The following YKT6 variants were observed in gnomAD, a reference collection of about 807,000 sequenced individuals.
YKT6 encodes the protein synaptobrevin homolog YKT6.
In YKT6, 12 loss-of-function variants were observed where a neutral mutation model predicts 29.3. The observed-to-expected ratio is 0.41, with a 90% CI of 0.26 to 0.66. The LOEUF is 0.66. Ranked by LOEUF, YKT6 falls within the 30% of genes least tolerant of loss-of-function variation. YKT6 has a pLI of 0.32. For missense variants in YKT6, 188 were observed against 243.8 expected (o/e 0.77, Z 1.52); for synonymous variants, 86 against 94.3 (o/e 0.91, Z 0.51).
intron 6 of YKT6, among the ~76,000 whole-genome samples, chr7:44,211,944 C>T (rs910525606): frequency 6.6e-6 from 1 of 152,122 alleles, no homozygotes; most frequent in African/African-American, 2.4e-5. Flanking sequence ...TATTATTGGT[C>T]CTTTGTTTGT....
rs2096347891 is a variant in YKT6, at chr7:44,212,449, G to T, written c.*167G>T. 4.8e-6 allele frequency: 4 copies of T among 835,950 alleles called. No homozygotes were observed. Among genetic ancestry groups the T allele is most frequent in the South Asian group, 3.5e-5 (2 of 56,642 alleles). The allele number at this position is 835,950 out of a possible 1,614,324, so 51.8% of individuals were successfully genotyped here. On this transcript the variant is annotated 3_prime_UTR_variant, in exon 7 of 7. Coordinates refer to ENST00000223369, the MANE Select transcript of YKT6 (RefSeq NM_006555.4). The stretch of plus-strand genomic sequence containing the variant: ...AATGGATGGTGGAAGGGTGGCGAAT[G>T]TTCAAATTCATATGTGTGGTAGTGA...
chr7:44,203,069 C>A (rs2128838414), intron 1 of YKT6, among the ~76,000 whole-genome samples: 1 of 152,276 alleles, frequency 6.6e-6, no homozygotes. Flanking sequence ...TGTCTTAAAA[C>A]AACACATGTC....
Position 44,209,426 on chromosome 7 carries a change from A to G in YKT6, c.459+1228A>G, listed in dbSNP as rs1481958366. ...TGAGCTTTCTTACCACCTAGGTGGC[A>G]TTTCTCCGTTTTCTCCTCAAGCCAT... On this transcript the variant is annotated intron_variant, in intron 5 of 6. Coordinates refer to ENST00000223369, the MANE Select transcript of YKT6 (RefSeq NM_006555.4). 2.0e-5 allele frequency among the ~76,000 whole-genome samples: 3 copies of G among 152,054 alleles called. No homozygotes were observed. The East Asian group carries it at 5.8e-4, about 29-fold the overall frequency.
chr7:44,206,258 G>T (rs1013723334), intron 2 of YKT6, 127 bp from the exon 3 acceptor site: 1 of 891,686 alleles, frequency 1.1e-6, no homozygotes. Context: ...CACAAGACTT[G>T]CCCAGAGCTA....
Position 44,213,627 on chromosome 7 carries a change from G to C in YKT6, c.*1345G>C, listed in dbSNP as rs2096349187. On this transcript the variant is annotated 3_prime_UTR_variant, in exon 7 of 7. Transcript: ENST00000223369. ...CTTCTGCTGGGATGGTGTCACCTAT[G>C]GGTTTTGAACCAGTGTGGTATGGTC... 1 of 152,416 alleles carries C rather than the reference G, an allele frequency of 6.6e-6. No homozygotes were observed. The highest frequency in any genetic ancestry group is 2.4e-5 in the African/African-American group (1 of 41,448). The allele number at this position is 152,416 out of a possible 1,614,324, so 9.4% of individuals were successfully genotyped here. A position where few individuals can be genotyped will look rare whatever the true frequency, so the allele number is the denominator to read the frequency against.
At position 44,204,027 on chromosome 7, in the gene YKT6, G is replaced by A. The variant is rs979153466; in HGVS notation, c.105-541G>A. On this transcript the variant is annotated intron_variant, in intron 1 of 6. Coordinates refer to ENST00000223369, the MANE Select transcript of YKT6 (RefSeq NM_006555.4). ...GTCTTGGATGAGCAGTTTTCCTTTT[G>A]TTCCATCCAGAGTGTCTTGCGCTCG... Among the ~76,000 whole-genome samples the A allele has an allele frequency of 7.9e-4, 120 of 152,214 alleles. 1 individual carries two copies. The highest frequency in any genetic ancestry group is 2.6e-3 in the African/African-American group (109 of 41,524).
Position 44,210,789 on chromosome 7 carries a change from G to C in YKT6, c.460-234G>C, listed in dbSNP as rs906634582. 12 of 590,124 alleles carry C rather than the reference G, an allele frequency of 2.0e-5. No individual in the cohort carries two copies. The African/African-American group carries it at 2.2e-4, about 11-fold the overall frequency. The allele number at this position is 590,124 out of a possible 1,614,324, so 36.6% of individuals were successfully genotyped here. A position where few individuals can be genotyped will look rare whatever the true frequency, so the allele number is the denominator to read the frequency against. On this transcript the variant is annotated intron_variant, in intron 5 of 6. Coordinates refer to ENST00000223369, the MANE Select transcript of YKT6 (RefSeq NM_006555.4). ...GCCTGTGCTGGGGACAGCTTTTTGG[G>C]AAGTCTGCTACATCCCAGTTAGATC...
intron 5 of YKT6, chr7:44,208,737 CTT>C (rs903740494): frequency 2.0e-5 from 3 of 151,936 alleles, no homozygotes; most frequent in African/African-American, 7.3e-5. Flanking sequence ...TGCTTCAACT[CTT>C]TTTTTTTAAA....
chr7:44,210,030 A>G (rs1325824971), intron 5 of YKT6, among the ~76,000 whole-genome samples: 1 of 152,256 alleles, frequency 6.6e-6, no homozygotes, highest in Non-Finnish European at 1.5e-5. Context: ...TACTTAACGC[A>G]GTATATCCAA....
intron 4 of YKT6, 103 bp from the exon 5 acceptor site, chr7:44,208,030 G>A: frequency 8.0e-7 from 1 of 1,256,930 alleles, no homozygotes; most frequent in Non-Finnish European, 1.1e-6. Context: ...GGCCCAGGCT[G>A]TGGTTTTTAA....
Position 44,208,135 on chromosome 7 carries a change from C to T in YKT6, c.396C>T (p.Asn132=), listed in dbSNP as rs1214244178. 1 of 1,614,006 alleles carries T rather than the reference C, an allele frequency of 6.2e-7. No individual in the cohort carries two copies. The highest frequency in any genetic ancestry group is 8.5e-7 in the Non-Finnish European group (1 of 1,179,950). Residue 132 remains asparagine, a splice_region_variant and synonymous_variant, in exon 5 of 7, where the codon AAC becomes AAT. Transcript: ENST00000223369. The part of the protein sequence containing the change: ...ALDGHLSRYQ[N]PREADPMTKV... ...TATTATTTTTCACTCTTTCCTAGAACCCACGAGAAGCTGATCCCATGACTA... is the reference window on the plus strand; with the variant it reads ...TATTATTTTTCACTCTTTCCTAGAATCCACGAGAAGCTGATCCCATGACTA...
chr7:44,211,317 G>A (rs917070417), intron 6 of YKT6, among the ~76,000 whole-genome samples, 193 bp downstream of exon 6: 7 of 152,200 alleles, frequency 4.6e-5, no homozygotes, highest in Non-Finnish European at 7.3e-5. Context: ...CTTGGGCGCC[G>A]TTGGAGTCGA....
At chr7:44,210,295 T>C (rs952578981) in intron 5 of YKT6, among the ~76,000 whole-genome samples, 1 of 152,196 alleles carries the variant, frequency 6.6e-6, no homozygotes, top group Non-Finnish European at 1.5e-5. Flanking sequence ...CTGGTGTCTT[T>C]TGGGGCTCTG....
chr7:44,201,325 G>A (rs1229830183), intron 1 of YKT6, 86 bp downstream of exon 1: 4 of 1,152,834 alleles, frequency 3.5e-6, no homozygotes, highest in East Asian at 3.0e-5. Context: ...TGGGGTCGGC[G>A]GAGGGATGAG....
intron 2 of YKT6, 79 bp from the exon 3 acceptor site, chr7:44,206,306 A>C (rs1279439661): frequency 9.7e-6 from 14 of 1,444,144 alleles, no homozygotes; most frequent in Non-Finnish European, 1.4e-5. Context: ...CTAACATTGG[A>C]TGCTTTGATT....
rs1358549583 is a variant in YKT6, at chr7:44,212,627, C to G, written c.*345C>G. On this transcript the variant is annotated 3_prime_UTR_variant, in exon 7 of 7. Coordinates refer to ENST00000223369, the MANE Select transcript of YKT6 (RefSeq NM_006555.4). ...AGGTCGGAGCCAGCTGTTTCTCGAT[C>G]TTTGGTATATCTTTGGATCTTATTT... The G allele has an allele frequency of 3.6e-6, 1 of 280,330 alleles. No individual in the cohort carries two copies. Among genetic ancestry groups the G allele is most frequent in the Admixed American group, 5.0e-5 (1 of 19,806 alleles). 17.4% of individuals were successfully genotyped at this position (280,330 alleles called of 1,614,324 possible). A position where few individuals can be genotyped will look rare whatever the true frequency, so the allele number is the denominator to read the frequency against.
At chr7:44,203,170 T>C (rs1488762708) in intron 1 of YKT6, among the ~76,000 whole-genome samples, 1 of 152,184 alleles carries the variant, frequency 6.6e-6, no homozygotes, top group Non-Finnish European at 1.5e-5. Context: ...GTCAGCTCAC[T>C]GCAACCTCCG....
At chr7:44,209,450 A>T (rs1166370881) in intron 5 of YKT6, among the ~76,000 whole-genome samples, 2 of 152,144 alleles carry the variant, frequency 1.3e-5, no homozygotes. Flanking sequence ...TCCTCAAGCC[A>T]TCTCTTTCTG....
chr7:44,211,357 C>G (rs1441401048), intron 6 of YKT6, among the ~76,000 whole-genome samples: 1 of 152,230 alleles, frequency 6.6e-6, no homozygotes, highest in Non-Finnish European at 1.5e-5. Flanking sequence ...CCACTCCTGC[C>G]TCTGCTCTGC....
Sources: gnomAD v4.1 joint callset for allele counts (sites outside exome capture counted in the v4.1 genomes callset) on GRCh38, gnomAD v4.1.1 for gene constraint, MANE v1.5 for transcripts, NCBI Gene and HGNC (gene_info 2026-07-23, HGNC 2026-07-21) for gene names.